Variants in PARD3B observed in about 807,000 individuals in gnomAD.
The protein encoded by PARD3B is partitioning defective 3 homolog B.
In PARD3B, 103 loss-of-function variants were observed where a neutral mutation model predicts 130.2. The ratio of observed to expected loss-of-function variants is 0.79; its 90% CI spans 0.67 to 0.93. The LOEUF (loss-of-function observed/expected upper bound fraction) is 0.93. Among genes scored for constraint, PARD3B ranks in the 40% least tolerant of loss-of-function variants. The pLI is 0.00. For synonymous variants in PARD3B, 583 were observed against 553.2 expected (o/e 1.05, Z -0.76); for missense variants, 1,609 against 1,499.2 (o/e 1.07, Z -1.21).
rs148348532 is a variant in PARD3B, at chr2:205,234,512, G to A, written c.2141-11266G>A. ...CAATGTAATTATTCTAAATGCTTATGCACCTAATAATAGTGCTTCAAAAAA... is the reference window on the plus strand; with the variant it reads ...CAATGTAATTATTCTAAATGCTTATACACCTAATAATAGTGCTTCAAAAAA... On this transcript the variant is annotated intron_variant, in intron 15 of 22. Transcript: ENST00000406610. Among the ~76,000 whole-genome samples, 479 of 152,218 alleles carry A rather than the reference G, an allele frequency of 3.1e-3. 4 individuals carry two copies. The highest frequency in any genetic ancestry group is 0.011 in the African/African-American group (454 of 41,530).
At chr2:204,653,939 C>G (rs558581585) in intron 1 of PARD3B, among the ~76,000 whole-genome samples, 1 of 151,166 alleles carries the variant, frequency 6.6e-6, no homozygotes, top group Non-Finnish European at 1.5e-5. Context: ...TCCCCAGATA[C>G]AAATGTACAT....
intron 3 of PARD3B, among the ~76,000 whole-genome samples, chr2:205,012,178 C>G (rs1473279833): frequency 6.6e-6 from 1 of 152,112 alleles, no homozygotes; most frequent in Non-Finnish European, 1.5e-5. Context: ...TTTCACTTCC[C>G]ATCTTCCAAC....
intron 20 of PARD3B, among the ~76,000 whole-genome samples, chr2:205,498,361 G>T (rs2050022961): frequency 6.6e-6 from 1 of 151,956 alleles, no homozygotes; most frequent in Non-Finnish European, 1.5e-5. Context: ...AATTAGCCAG[G>T]TGTGGTGGTA....
chr2:204,876,152 A>G (rs948163725), intron 2 of PARD3B, among the ~76,000 whole-genome samples: 1 of 152,218 alleles, frequency 6.6e-6, no homozygotes, highest in African/African-American at 2.4e-5. Flanking sequence ...TGGATTATCA[A>G]TGGAAACGGA....
chr2:205,400,603 C>T (rs189249724), intron 18 of PARD3B, among the ~76,000 whole-genome samples: 29 of 152,020 alleles, frequency 1.9e-4, no homozygotes, highest in Admixed American at 5.9e-4. Flanking sequence ...GATCACACCA[C>T]TGCACCTCAG....
chr2:205,605,638 C>G (rs541126112), intron 22 of PARD3B, among the ~76,000 whole-genome samples: 47 of 152,224 alleles, frequency 3.1e-4, no homozygotes, highest in African/African-American at 8.4e-4. Flanking sequence ...GATCTCTGTC[C>G]CAGAGGGGCA....
chr2:205,179,019 A>G (rs1402655996), intron 13 of PARD3B, among the ~76,000 whole-genome samples: 1 of 152,284 alleles, frequency 6.6e-6, no homozygotes, highest in East Asian at 1.9e-4. Flanking sequence ...GCCCCTGAAG[A>G]CCTTCCAGTG....
intron 16 of PARD3B, among the ~76,000 whole-genome samples, chr2:205,272,085 G>A (rs980800267): frequency 2.0e-5 from 3 of 151,592 alleles, no homozygotes; most frequent in Non-Finnish European, 2.9e-5. Context: ...TTGAACCCGG[G>A]AGGCAGAGTT....
chr2:205,368,942 T>A (rs946861934), intron 18 of PARD3B, among the ~76,000 whole-genome samples: 1 of 152,160 alleles, frequency 6.6e-6, no homozygotes, highest in African/African-American at 2.4e-5. Context: ...ACTCAGGGAA[T>A]GAATCAAAAG....
Position 205,122,287 on chromosome 2 carries a change from T to C in PARD3B, c.1165+338T>C, listed in dbSNP as rs2030840689. Among the ~76,000 whole-genome samples the C allele has an allele frequency of 6.6e-6, 1 of 152,182 alleles. No homozygotes were observed. The highest frequency in any genetic ancestry group is 2.1e-4 in the South Asian group (1 of 4,828). On this transcript the variant is annotated intron_variant, in intron 8 of 22. Transcript: ENST00000406610. This position sits in a 1 kb window ranked among gnomAD's most constrained non-coding sequence, Gnocchi z 4.3. ...TTGTCCCTGTTCTGAGCACGATTAG[T>C]GATTCTTGAAGCATCCTTTAGGCCA...
At chr2:205,067,599 A>G (rs1245940039) in intron 4 of PARD3B, among the ~76,000 whole-genome samples, 3 of 152,150 alleles carry the variant, frequency 2.0e-5, no homozygotes, top group Non-Finnish European at 2.9e-5. Flanking sequence ...ATATTTTCCA[A>G]TGTTTTAAGT....
Position 205,407,980 on chromosome 2 carries a change from A to G in PARD3B, c.2741+6857A>G, listed in dbSNP as rs1410056242. Among the ~76,000 whole-genome samples the G allele has an allele frequency of 6.6e-6, 1 of 152,170 alleles. No homozygotes were observed. Among genetic ancestry groups the G allele is most frequent in the African/African-American group, 2.4e-5 (1 of 41,452 alleles). On this transcript the variant is annotated intron_variant, in intron 19 of 22. Coordinates refer to ENST00000406610, the MANE Select transcript of PARD3B (RefSeq NM_001302769.2). This position sits in a 1 kb window ranked among gnomAD's most constrained non-coding sequence, Gnocchi z 4.1. ...CATGAGGAGATGGGAGAAAAAAAAG[A>G]TCCAACCTCTTCAGCTTCAGCATTG...
rs908432971 is a variant in PARD3B, at chr2:204,868,806, G to T, written c.223-96346G>T. On this transcript the variant is annotated intron_variant, in intron 2 of 22. Coordinates refer to ENST00000406610, the MANE Select transcript of PARD3B (RefSeq NM_001302769.2). The stretch of plus-strand genomic sequence containing the variant: ...GATTGCATGAGGCAGGATTGAGTGG[G>T]ACTAGTTAAGTTGAGACGATCTGTC... Among the ~76,000 whole-genome samples, 5 of 152,184 alleles carry T rather than the reference G, an allele frequency of 3.3e-5. No individual in the cohort carries two copies. The East Asian group carries it at 5.8e-4, about 18-fold the overall frequency.
chr2:205,522,577 T>A (rs4673333), intron 21 of PARD3B, among the ~76,000 whole-genome samples: 1 of 152,038 alleles, frequency 6.6e-6, no homozygotes, highest in Non-Finnish European at 1.5e-5. Context: ...CTTACTGAGT[T>A]CCTATAGTAT....
At position 205,405,327 on chromosome 2, in the gene PARD3B, T is replaced by C. The variant is rs1574939300; in HGVS notation, c.2741+4204T>C. Among the ~76,000 whole-genome samples, 1 of 152,236 alleles carries C rather than the reference T, an allele frequency of 6.6e-6. No homozygotes were observed. The highest frequency in any genetic ancestry group is 6.5e-5 in the Admixed American group (1 of 15,292). On this transcript the variant is annotated intron_variant, in intron 19 of 22. Transcript: ENST00000406610. This position sits in a 1 kb window ranked among gnomAD's most constrained non-coding sequence, Gnocchi z 4.1. ...TAGAGGCTAGAAATGTAGCTAAAAA[T>C]CTTACAATGCACAGGACAGCTACCC...
intron 18 of PARD3B, among the ~76,000 whole-genome samples, chr2:205,316,360 AT>A (rs1176099420): frequency 4.6e-5 from 7 of 152,186 alleles, no homozygotes; most frequent in Admixed American, 3.3e-4. Context: ...GAGGTTAGAT[AT>A]AAAAAAGAAG....
chr2:205,302,717 C>G (rs1245557173), intron 18 of PARD3B, among the ~76,000 whole-genome samples: 1 of 152,136 alleles, frequency 6.6e-6, no homozygotes, highest in Non-Finnish European at 1.5e-5. Flanking sequence ...GGGCACATCA[C>G]TTGTCACCTC....
chr2:205,578,372 TC>T (rs574414013), intron 22 of PARD3B, among the ~76,000 whole-genome samples: 11 of 151,548 alleles, frequency 7.3e-5, no homozygotes, highest in Non-Finnish European at 1.5e-5. Context: ...AAGAACAAGA[TC>T]CCCCCCAAAA....
chr2:204,749,728 A>C (rs939747094), intron 2 of PARD3B, among the ~76,000 whole-genome samples: 4 of 152,190 alleles, frequency 2.6e-5, no homozygotes, highest in African/African-American at 9.7e-5. Flanking sequence ...ATGTGGGCTA[A>C]CTGGGCTTGC....
Sources: allele counts gnomAD v4.1 joint callset (sites outside exome capture counted in the v4.1 genomes callset), GRCh38; gene constraint gnomAD v4.1.1; non-coding constraint Gnocchi (gnomAD v3.1); transcripts MANE v1.5; gene names NCBI Gene and HGNC (gene_info 2026-07-23, HGNC 2026-07-21).